Variants in DMRT1 observed in about 807,000 individuals in gnomAD.
DMRT1 encodes doublesex and mab-3 related transcription factor 1.
A neutral mutation model predicts 32.3 loss-of-function variants in DMRT1; 7 were observed. The observed-to-expected ratio is 0.22, with a 90% CI of 0.12 to 0.41. The LOEUF (loss-of-function observed/expected upper bound fraction) is 0.41. Ranked by LOEUF, DMRT1 falls within the 10% of genes least tolerant of loss-of-function variation. The pLI is 1.00. For missense variants in DMRT1, 625 were observed against 500.5 expected, an observed-to-expected ratio of 1.25 and a Z score of -2.37; for synonymous variants, 278 against 206.1, an observed-to-expected ratio of 1.35 and a Z score of -2.99.
At chr9:877,632 T>C (rs1254954721) in intron 2 of DMRT1, among the ~76,000 whole-genome samples, 2 of 152,238 alleles carry the variant, frequency 1.3e-5, no homozygotes, top group Admixed American at 6.5e-5. Flanking sequence ...AAGCTAAATA[T>C]GGAATTGTAT....
At chr9:943,822 T>A (rs760769072) in intron 4 of DMRT1, among the ~76,000 whole-genome samples, 14 of 152,222 alleles carry the variant, frequency 9.2e-5, no homozygotes, top group Non-Finnish European at 1.9e-4. Context: ...AAAGAAGTTA[T>A]TTTTATCTTT....
intron 1 of DMRT1, among the ~76,000 whole-genome samples, chr9:846,461 C>A (rs1010659836): frequency 7.2e-5 from 11 of 152,180 alleles, no homozygotes; most frequent in African/African-American, 2.4e-4. Flanking sequence ...CCTTCCTAAT[C>A]TGTTAGTGCT....
chr9:940,966 A>G (rs1185637794), intron 4 of DMRT1, among the ~76,000 whole-genome samples: 3 of 152,228 alleles, frequency 2.0e-5, no homozygotes, highest in Non-Finnish European at 4.4e-5. Flanking sequence ...TAGGGAATGC[A>G]AATAAGAATG....
intron 4 of DMRT1, among the ~76,000 whole-genome samples, chr9:957,194 C>T (rs1377624940): frequency 2.0e-5 from 3 of 152,194 alleles, no homozygotes; most frequent in Non-Finnish European, 2.9e-5. Context: ...CCTGTTGAAA[C>T]ATGAGCATGA....
intron 3 of DMRT1, among the ~76,000 whole-genome samples, chr9:909,259 T>A (rs11794935): frequency 1.3e-5 from 2 of 152,188 alleles, no homozygotes; most frequent in African/African-American, 4.8e-5. Flanking sequence ...TTTGGCCTGG[T>A]GCTTTGGTAA....
In DMRT1 at chr9:893,994, C is replaced by T. The variant is rs1442248009; in HGVS notation, c.621C>T (p.Ser207=). Reference sequence around the variant, plus strand: ...ACACACCTGACCTGGTTTCAGACTCCACCTACTACAGCAGCTTCTACCAGC... The same window carrying T: ...ACACACCTGACCTGGTTTCAGACTCTACCTACTACAGCAGCTTCTACCAGC... ...VENTPDLVSD[S]TYYSSFYQPS... The change falls in exon 3 of 5, where the codon TCC becomes TCT. Residue 207 remains serine, a synonymous_variant. Transcript: ENST00000382276. The T allele has an allele frequency of 3.7e-6, 6 of 1,614,200 alleles. No homozygotes were observed. In the South Asian group the frequency reaches 4.4e-5, roughly 12 times the overall value.
intron 2 of DMRT1, among the ~76,000 whole-genome samples, chr9:865,695 TAC>T (rs1815952350): frequency 6.6e-6 from 1 of 152,194 alleles, no homozygotes; most frequent in African/African-American, 2.4e-5. Flanking sequence ...CACATTTCCC[TAC>T]ACCCCCAGTT....
chr9:891,939 G>C (rs565976566), intron 2 of DMRT1, among the ~76,000 whole-genome samples: 1 of 152,336 alleles, frequency 6.6e-6, no homozygotes, highest in East Asian at 1.9e-4. Context: ...GCTAAGCACG[G>C]AGGACACAGT....
chr9:968,708 A>C lies in DMRT1; in HGVS notation c.*569A>C, dbSNP rs191974764. On this transcript the variant is annotated 3_prime_UTR_variant, in exon 5 of 5. Coordinates refer to ENST00000382276, the MANE Select transcript of DMRT1 (RefSeq NM_021951.3). ...CCAATCCAAAACGTAACTGAAATATAATCAGAAACATTAAAGCCTGTAAAA... is the reference window on the plus strand; with the variant it reads ...CCAATCCAAAACGTAACTGAAATATCATCAGAAACATTAAAGCCTGTAAAA... 6.5e-6 allele frequency: 1 copy of C among 153,390 alleles called. No homozygotes were observed. Among genetic ancestry groups the C allele is most frequent in the East Asian group, 1.9e-4 (1 of 5,198 alleles). The allele number at this position is 153,390 out of a possible 1,614,324, so 9.5% of individuals were successfully genotyped here. A position where few individuals can be genotyped will look rare whatever the true frequency, so the allele number is the denominator to read the frequency against.
intron 2 of DMRT1, among the ~76,000 whole-genome samples, chr9:863,785 C>G (rs1036794428): frequency 9.2e-5 from 14 of 152,190 alleles, no homozygotes; most frequent in Non-Finnish European, 2.9e-5. Flanking sequence ...AGTTTATAAT[C>G]TAGATTTCCC....
intron 2 of DMRT1, among the ~76,000 whole-genome samples, chr9:882,151 G>C (rs757759630): frequency 6.6e-6 from 1 of 152,192 alleles, no homozygotes; most frequent in African/African-American, 2.4e-5. Context: ...GGCAGGGAGA[G>C]GCAGAAACCC....
intron 4 of DMRT1, among the ~76,000 whole-genome samples, chr9:948,257 G>A (rs1819311632): frequency 6.6e-6 from 1 of 152,128 alleles, no homozygotes; most frequent in African/African-American, 2.4e-5. Flanking sequence ...TCTGTTGAAA[G>A]TGTGCTTTAA....
intron 4 of DMRT1, among the ~76,000 whole-genome samples, chr9:924,124 T>A (rs1357800443): frequency 6.8e-6 from 1 of 147,114 alleles, no homozygotes. Context: ...CAGGCTGGAG[T>A]GCAGTGGCAT....
At chr9:884,116 T>C (rs1012653560) in intron 2 of DMRT1, among the ~76,000 whole-genome samples, 3 of 152,182 alleles carry the variant, frequency 2.0e-5, no homozygotes, top group African/African-American at 7.2e-5. Context: ...TTTGGTTTTT[T>C]CATGGAGGTG....
chr9:889,654 G>A (rs540502051), intron 2 of DMRT1, among the ~76,000 whole-genome samples: 1 of 152,300 alleles, frequency 6.6e-6, no homozygotes, highest in South Asian at 2.1e-4. Context: ...ATAAACTGAG[G>A]CCTGATAAAA....
intron 4 of DMRT1, among the ~76,000 whole-genome samples, chr9:959,274 A>G (rs1045030067): frequency 1.3e-5 from 2 of 152,196 alleles, no homozygotes; most frequent in East Asian, 3.9e-4. Context: ...CATGGCACCT[A>G]TATGTGGATC....
chr9:931,013 C>A (rs1378643380), intron 4 of DMRT1, among the ~76,000 whole-genome samples: 1 of 152,172 alleles, frequency 6.6e-6, no homozygotes, highest in Non-Finnish European at 1.5e-5. Context: ...CATATTACTC[C>A]CATTTCTGCC....
intron 2 of DMRT1, among the ~76,000 whole-genome samples, chr9:880,196 G>C (rs1004162618): frequency 6.6e-6 from 1 of 152,120 alleles, no homozygotes; most frequent in Non-Finnish European, 1.5e-5. Flanking sequence ...AGTGAGTGTA[G>C]CTCTTCAACA....
chr9:919,628 G>A (rs1331312678), intron 4 of DMRT1, among the ~76,000 whole-genome samples: 1 of 152,144 alleles, frequency 6.6e-6, no homozygotes, highest in African/African-American at 2.4e-5. Flanking sequence ...GTGAGATGGG[G>A]AGCCATAGCA....
Sources: gnomAD v4.1 joint callset for allele counts (sites outside exome capture counted in the v4.1 genomes callset) on GRCh38, gnomAD v4.1.1 for gene constraint, MANE v1.5 for transcripts, NCBI Gene and HGNC (gene_info 2026-07-23, HGNC 2026-07-21) for gene names.